The following CLSTN2 variants were observed in gnomAD, a reference collection of about 807,000 sequenced individuals.
CLSTN2 encodes calsyntenin-2.
Under a neutral mutation model 101.2 loss-of-function variants are expected in CLSTN2, and 48 were observed. That is an observed-to-expected ratio of 0.47 (90% CI 0.38 to 0.60). The LOEUF (loss-of-function observed/expected upper bound fraction) is 0.60, where lower values mean the gene tolerates loss of function less well. Among genes scored for constraint, CLSTN2 ranks in the 20% least tolerant of loss-of-function variants. CLSTN2 has a pLI of 0.00. For synonymous variants in CLSTN2, 481 were observed against 463.6 expected (o/e 1.04, Z -0.48); for missense variants, 1,160 against 1,238.2 (o/e 0.94, Z 0.95).
chr3:140,029,467 C>A (rs1442279383), intron 1 of CLSTN2, among the ~76,000 whole-genome samples: 1 of 152,150 alleles, frequency 6.6e-6, no homozygotes, highest in East Asian at 1.9e-4. Context: ...CGGATGTCTG[C>A]CCAATGCCTG....
intron 5 of CLSTN2, among the ~76,000 whole-genome samples, chr3:140,439,901 T>C (rs2088740622): frequency 6.6e-6 from 1 of 152,238 alleles, no homozygotes; most frequent in Admixed American, 6.5e-5. Context: ...CATGTTTATA[T>C]GTCTGGGTGT....
intron 5 of CLSTN2, among the ~76,000 whole-genome samples, chr3:140,421,496 G>T (rs781265987): frequency 4.5e-4 from 68 of 152,170 alleles, no homozygotes; most frequent in Non-Finnish European, 9.4e-4. Flanking sequence ...CATGTGCCCA[G>T]TTTGTCCAGT....
intron 1 of CLSTN2, among the ~76,000 whole-genome samples, chr3:140,049,100 A>G (rs995557943): frequency 1.3e-5 from 2 of 152,214 alleles, no homozygotes; most frequent in African/African-American, 4.8e-5. Flanking sequence ...GGACTGGGCA[A>G]GCATGGGGAG....
intron 2 of CLSTN2, among the ~76,000 whole-genome samples, chr3:140,347,715 T>C (rs979338152): frequency 4.6e-5 from 7 of 152,238 alleles, no homozygotes; most frequent in African/African-American, 1.4e-4. Flanking sequence ...ACATGAATAT[T>C]CATCAAATCA....
chr3:140,368,279 C>G (rs2087815520), intron 2 of CLSTN2, among the ~76,000 whole-genome samples: 1 of 152,158 alleles, frequency 6.6e-6, no homozygotes, highest in Non-Finnish European at 1.5e-5. Context: ...TGCTTGTGCC[C>G]TAAGCAGTTA....
intron 2 of CLSTN2, among the ~76,000 whole-genome samples, chr3:140,358,155 C>T (rs1034055339): frequency 6.6e-6 from 1 of 152,140 alleles, no homozygotes; most frequent in African/African-American, 2.4e-5. Flanking sequence ...ACTTGGAATT[C>T]TGTGAATCCT....
chr3:140,138,297 C>G lies in CLSTN2; in HGVS notation c.110-37654C>G, dbSNP rs560557095. Among the ~76,000 whole-genome samples the G allele has an allele frequency of 4.5e-4, 68 of 152,324 alleles. 2 individuals carry two copies. The South Asian group carries it at 5.6e-3, about 13-fold the overall frequency. On this transcript the variant is annotated intron_variant, in intron 1 of 16. Coordinates refer to ENST00000458420, the MANE Select transcript of CLSTN2 (RefSeq NM_022131.3). ...AGCTTAAAAAGGGGGGGAAGAACAACTTTGCTGCCCTCACAGCTCTGCTGT... is the reference window on the plus strand; with the variant it reads ...AGCTTAAAAAGGGGGGGAAGAACAAGTTTGCTGCCCTCACAGCTCTGCTGT...
chr3:140,252,927 G>T (rs1484021325), intron 2 of CLSTN2, among the ~76,000 whole-genome samples: 1 of 152,166 alleles, frequency 6.6e-6, no homozygotes, highest in Non-Finnish European at 1.5e-5. Context: ...TGGCCAGTGT[G>T]TCTCTGTGGA....
intron 1 of CLSTN2, among the ~76,000 whole-genome samples, chr3:140,088,442 G>A (rs763287242): frequency 6.6e-6 from 1 of 152,238 alleles, no homozygotes; most frequent in Non-Finnish European, 1.5e-5. Flanking sequence ...TTCTCTGAAA[G>A]TCTTGTATTT....
chr3:140,085,361 G>A (rs933093164), intron 1 of CLSTN2, among the ~76,000 whole-genome samples: 2 of 152,150 alleles, frequency 1.3e-5, no homozygotes, highest in African/African-American at 4.8e-5. Flanking sequence ...CCAGCCTTTA[G>A]ACCCGCTTAC....
At chr3:140,171,243 T>C (rs747887722) in intron 1 of CLSTN2, among the ~76,000 whole-genome samples, 19 of 152,176 alleles carry the variant, frequency 1.2e-4, no homozygotes, top group Non-Finnish European at 2.6e-4. Flanking sequence ...TGAAAATGGA[T>C]GTACCTACTG....
intron 8 of CLSTN2, among the ~76,000 whole-genome samples, chr3:140,512,752 A>G (rs1467173347): frequency 6.6e-6 from 1 of 152,194 alleles, no homozygotes; most frequent in African/African-American, 2.4e-5. Context: ...TGATCATAGA[A>G]TGTCTTTCCA....
chr3:140,506,419 A>G (rs1934684765), intron 8 of CLSTN2, among the ~76,000 whole-genome samples: 1 of 151,946 alleles, frequency 6.6e-6, no homozygotes, highest in South Asian at 2.1e-4. Context: ...CCTCCTTATG[A>G]TGCTGCCCTG....
intron 10 of CLSTN2, among the ~76,000 whole-genome samples, chr3:140,549,408 A>G (rs1576622534): frequency 6.6e-6 from 1 of 151,708 alleles, no homozygotes; most frequent in African/African-American, 2.4e-5. Flanking sequence ...GAAACTTTTT[A>G]TAACCTTTTT....
intron 5 of CLSTN2, among the ~76,000 whole-genome samples, chr3:140,427,398 T>C (rs2088584073): frequency 6.6e-6 from 1 of 151,762 alleles, no homozygotes; most frequent in African/African-American, 2.4e-5. Context: ...TGGATTATGA[T>C]GCCAGTCGCT....
chr3:140,019,940 T>C (rs16849694), intron 1 of CLSTN2, among the ~76,000 whole-genome samples: 3 of 152,004 alleles, frequency 2.0e-5, no homozygotes, highest in African/African-American at 7.3e-5. Context: ...GGGAAGGTGA[T>C]GAATGTTCTG....
intron 2 of CLSTN2, among the ~76,000 whole-genome samples, chr3:140,379,025 CTG>C (rs1456950810): frequency 2.0e-5 from 3 of 152,210 alleles, no homozygotes; most frequent in Non-Finnish European, 4.4e-5. Context: ...TTGTGGTTGA[CTG>C]TCCACATTAG....
intron 2 of CLSTN2, among the ~76,000 whole-genome samples, chr3:140,311,397 C>T (rs2107917050): frequency 7.2e-6 from 1 of 138,774 alleles, no homozygotes; most frequent in South Asian, 2.4e-4. Flanking sequence ...CCTCTGCCTC[C>T]TGGGTTCAAG....
At chr3:140,009,676 CTGTTGTTATAAATTTT>C (rs1279685090) in intron 1 of CLSTN2, among the ~76,000 whole-genome samples, 1 of 152,090 alleles carries the variant, frequency 6.6e-6, no homozygotes, top group Non-Finnish European at 1.5e-5. Flanking sequence ...TTTTAAGTTT[CTGTTGTTATAAATTTT>C]TGTTGTTATA....
Sources: allele counts gnomAD v4.1 joint callset (sites outside exome capture counted in the v4.1 genomes callset), GRCh38; gene constraint gnomAD v4.1.1; transcripts MANE v1.5; gene names NCBI Gene and HGNC (gene_info 2026-07-23, HGNC 2026-07-21).